The following MALRD1 variants were observed in gnomAD, a reference collection of about 807,000 sequenced individuals.
MALRD1 encodes MAM and LDL receptor class A domain containing 1.
MALRD1 carries 247 observed loss-of-function variants against 242.1 expected under a neutral mutation model. That is an observed-to-expected ratio of 1.02 (90% confidence interval 0.92 to 1.13). The LOEUF is 1.13. Among genes scored for constraint, MALRD1 ranks in the 50% most tolerant of loss-of-function variants. The pLI, the probability that MALRD1 is intolerant of heterozygous loss-of-function variation, is 0.00. For synonymous variants in MALRD1, 995 were observed against 866.6 expected, an observed-to-expected ratio of 1.15 and a Z score of -2.60; for missense variants, 2,989 against 2,533.1, an observed-to-expected ratio of 1.18 and a Z score of -3.86.
chr10:19,165,861 C>G, intron 13 of MALRD1, 51 bp downstream of exon 13: 1 of 1,197,720 alleles, frequency 8.3e-7, no homozygotes, highest in Non-Finnish European at 1.0e-6. Flanking sequence ...TTATTTAATG[C>G]TAAACCTTTC....
At chr10:19,388,601 A>G (rs993964342) in intron 27 of MALRD1, among the ~76,000 whole-genome samples, 2 of 152,216 alleles carry the variant, frequency 1.3e-5, no homozygotes, top group Non-Finnish European at 2.9e-5. Flanking sequence ...ATGAAGAGAA[A>G]AGAGTTTGAA....
At chr10:19,402,144 G>A (rs899303508) in intron 28 of MALRD1, among the ~76,000 whole-genome samples, 1 of 152,142 alleles carries the variant, frequency 6.6e-6, no homozygotes, top group Non-Finnish European at 1.5e-5. Context: ...CCACCTGTCA[G>A]TCTCTGAGAA....
At chr10:19,132,166 A>G (rs1018371382) in intron 8 of MALRD1, among the ~76,000 whole-genome samples, 1 of 152,242 alleles carries the variant, frequency 6.6e-6, no homozygotes, top group African/African-American at 2.4e-5. Flanking sequence ...AAATAAGAGC[A>G]CAATAGCTCT....
intron 4 of MALRD1, among the ~76,000 whole-genome samples, chr10:19,103,153 T>G (rs1836329110): frequency 1.3e-5 from 2 of 152,020 alleles, no homozygotes; most frequent in Admixed American, 1.3e-4. Context: ...CAGGCCACGT[T>G]CAGTCATTTT....
intron 32 of MALRD1, among the ~76,000 whole-genome samples, chr10:19,556,288 G>T (rs567952167): frequency 2.0e-5 from 3 of 152,042 alleles, no homozygotes; most frequent in Non-Finnish European, 4.4e-5. Flanking sequence ...CAATATGGAG[G>T]CATTATCATT....
chr10:19,721,322 A>T (rs1179098055), intron 38 of MALRD1, among the ~76,000 whole-genome samples: 1 of 152,196 alleles, frequency 6.6e-6, no homozygotes, highest in Non-Finnish European at 1.5e-5. Flanking sequence ...CTAATTGAAG[A>T]CTTTAAAATG....
intron 32 of MALRD1, among the ~76,000 whole-genome samples, chr10:19,566,971 A>G (rs1487565916): frequency 1.3e-5 from 2 of 152,070 alleles, no homozygotes; most frequent in South Asian, 2.1e-4. Context: ...TATTTCTTGC[A>G]TTTGTTAGTC....
At chr10:19,086,627 C>T (rs1360662240) in intron 2 of MALRD1, among the ~76,000 whole-genome samples, 1 of 152,060 alleles carries the variant, frequency 6.6e-6, no homozygotes, top group Non-Finnish European at 1.5e-5. Context: ...CCAACTCTTT[C>T]TGAACAAAAG....
At chr10:19,594,275 A>G (rs1465546831) in intron 33 of MALRD1, among the ~76,000 whole-genome samples, 4 of 152,200 alleles carry the variant, frequency 2.6e-5, no homozygotes, top group African/African-American at 7.2e-5. Context: ...TTTCATGTCA[A>G]TGATGCTTTT....
intron 31 of MALRD1, among the ~76,000 whole-genome samples, chr10:19,519,641 G>T (rs1045201695): frequency 4.6e-5 from 7 of 151,928 alleles, no homozygotes; most frequent in African/African-American, 1.7e-4. Flanking sequence ...GTGTGTGCCT[G>T]TAGTCCTAGT....
intron 31 of MALRD1, among the ~76,000 whole-genome samples, chr10:19,506,309 A>G (rs1833136292): frequency 6.6e-6 from 1 of 152,228 alleles, no homozygotes. Flanking sequence ...AAAGTAGAGG[A>G]AAAGAACAGT....
At chr10:19,630,593 T>C (rs1839857769) in intron 36 of MALRD1, among the ~76,000 whole-genome samples, 1 of 152,158 alleles carries the variant, frequency 6.6e-6, no homozygotes, top group Non-Finnish European at 1.5e-5. Flanking sequence ...GCTTTGCATA[T>C]ATTATTCTTT....
intron 19 of MALRD1, among the ~76,000 whole-genome samples, chr10:19,259,026 A>T (rs1452183798): frequency 6.6e-6 from 1 of 152,024 alleles, no homozygotes; most frequent in Non-Finnish European, 1.5e-5. Flanking sequence ...CTATGCATGG[A>T]TTATTGCAAT....
chr10:19,266,876 A>G (rs1588814407), intron 19 of MALRD1, among the ~76,000 whole-genome samples: 1 of 152,144 alleles, frequency 6.6e-6, no homozygotes, highest in East Asian at 1.9e-4. Flanking sequence ...ATCATTAGAT[A>G]TAGGAATGAT....
intron 19 of MALRD1, among the ~76,000 whole-genome samples, chr10:19,267,004 T>C (rs1297001694): frequency 6.6e-6 from 1 of 152,058 alleles, no homozygotes; most frequent in Non-Finnish European, 1.5e-5. Context: ...TTTCTGTCCT[T>C]CATTAGAAAG....
intron 18 of MALRD1, among the ~76,000 whole-genome samples, chr10:19,227,188 C>G (rs76471891): frequency 0.014 from 2,155 of 151,364 alleles, 44 homozygotes; most frequent in African/African-American, 0.05. Flanking sequence ...CAAGAATAGC[C>G]AGAGCATGTT....
At chr10:19,500,982 A>C (rs572259248) in intron 31 of MALRD1, among the ~76,000 whole-genome samples, 8 of 152,344 alleles carry the variant, frequency 5.3e-5, no homozygotes, top group African/African-American at 1.9e-4. Flanking sequence ...TAGATGGCTT[A>C]TTAGAAGTTA....
chr10:19,270,566 A>G (rs771773472), intron 19 of MALRD1, among the ~76,000 whole-genome samples: 2 of 152,110 alleles, frequency 1.3e-5, no homozygotes, highest in South Asian at 2.1e-4. Context: ...AGACAAAGCA[A>G]ATGCCAGAGT....
chr10:19,329,812 G>A (rs950289312), intron 23 of MALRD1, among the ~76,000 whole-genome samples: 2 of 151,960 alleles, frequency 1.3e-5, no homozygotes, highest in African/African-American at 4.8e-5. Context: ...AATCACATTC[G>A]GTATTAAAGT....
Sources: gnomAD v4.1 joint callset for allele counts (sites outside exome capture counted in the v4.1 genomes callset) on GRCh38, gnomAD v4.1.1 for gene constraint, MANE v1.5 for transcripts, NCBI Gene and HGNC (gene_info 2026-07-23, HGNC 2026-07-21) for gene names.